MDH2: variants seen among roughly 807,000 people sequenced by gnomAD.
MDH2 encodes malate dehydrogenase, mitochondrial.
A neutral mutation model predicts 33.6 loss-of-function variants in MDH2; 25 were observed. The ratio of observed to expected loss-of-function variants is 0.74; its 90% confidence interval spans 0.54 to 1.04. MDH2 has a LOEUF of 1.04. Ranked by LOEUF, MDH2 falls within the 50% of genes least tolerant of loss-of-function variation. The pLI, the probability that MDH2 is intolerant of heterozygous loss-of-function variation, is 0.00. For synonymous variants in MDH2, 193 were observed against 188.7 expected (o/e 1.02, Z -0.19); for missense variants, 432 against 445.0 (o/e 0.97, Z 0.26).
intron 2 of MDH2, among the ~76,000 whole-genome samples, chr7:76,055,829 A>ATTT (rs1268720062): frequency 9.6e-6 from 1 of 103,912 alleles, no homozygotes; most frequent in African/African-American, 3.2e-5. Flanking sequence ...CATGTCACCA[A>ATTT]ATTTTTTTTT....
In MDH2 at chr7:76,064,859, A is replaced by C; in HGVS notation, c.791A>C (p.Asp264Ala). ...AGARFVFSLV[D>A]AMNGKEGVVE... The stretch of plus-strand genomic sequence containing the variant: ...GCCCGCTTTGTCTTCTCCCTTGTGG[A>C]TGCAATGAATGGAAAGGAAGGTGTT... The change falls in exon 8 of 9, where the codon GAT (aspartate) becomes GCT (alanine). Residue 264 changes from aspartate (D) to alanine (A), a missense_variant. Coordinates refer to ENST00000315758, the MANE Select transcript of MDH2 (RefSeq NM_005918.4). 6.2e-7 allele frequency: 1 copy of C among 1,614,062 alleles called. No homozygotes were observed. Among genetic ancestry groups the C allele is most frequent in the Non-Finnish European group, 8.5e-7 (1 of 1,180,016 alleles).
chr7:76,051,719 C>G (rs1221925039), intron 1 of MDH2, among the ~76,000 whole-genome samples: 1 of 152,146 alleles, frequency 6.6e-6, no homozygotes, highest in Non-Finnish European at 1.5e-5. Flanking sequence ...AATATAAACT[C>G]AAGTAGAAAT....
chr7:76,062,332 G>A (rs1797978852), intron 5 of MDH2, among the ~76,000 whole-genome samples: 1 of 152,204 alleles, frequency 6.6e-6, no homozygotes, highest in African/African-American at 2.4e-5. Context: ...TGTATTTGAG[G>A]GCAAGCCTCT....
intron 6 of MDH2, 24 bp downstream of exon 6, chr7:76,063,616 G>C (rs782493955): frequency 2.5e-6 from 4 of 1,605,792 alleles, no homozygotes; most frequent in Non-Finnish European, 3.4e-6. Flanking sequence ...ACCCTGTGAG[G>C]GGCTTCGAGG....
At chr7:76,048,779 T>G in intron 1 of MDH2, 1 of 1,226,614 alleles carries the variant, frequency 8.2e-7, no homozygotes, top group African/African-American at 1.6e-5. Flanking sequence ...TTTTGGAGGA[T>G]CTCTCCTGCT....
intron 2 of MDH2, among the ~76,000 whole-genome samples, chr7:76,055,737 C>T (rs1260741747): frequency 1.0e-5 from 1 of 98,094 alleles, no homozygotes; most frequent in Non-Finnish European, 2.3e-5. Flanking sequence ...ACACTGTTTC[C>T]AAAAAAAAAA....
At chr7:76,058,178 T>G (rs1797841081) in intron 4 of MDH2, 100 bp downstream of exon 4, 1 of 1,030,412 alleles carries the variant, frequency 9.7e-7, no homozygotes, top group East Asian at 2.6e-5. Flanking sequence ...GCTGATGTGC[T>G]GGGGGGATGG....
chr7:76,065,042 G>A (rs1233778773), intron 8 of MDH2, 89 bp downstream of exon 8: 35 of 1,487,762 alleles, frequency 2.4e-5, no homozygotes, highest in Non-Finnish European at 3.1e-5. Flanking sequence ...GGCCCTTTAT[G>A]CAGTAAGCTC....
In MDH2 at chr7:76,064,517, T is replaced by A. The variant is rs1215014254; in HGVS notation, c.733+79T>A. ...CAGGGTTGGGGAGAAATGCTGCTTG[T>A]CCCTGGGCATGGACGATCCTTTTCA... On this transcript the variant is annotated intron_variant, in intron 7 of 8. Coordinates refer to ENST00000315758, the MANE Select transcript of MDH2 (RefSeq NM_005918.4). The A allele has an allele frequency of 5.6e-6, 7 of 1,252,008 alleles. No individual in the cohort carries two copies. The African/African-American group carries it at 5.9e-5, about 11-fold the overall frequency. 77.6% of individuals were successfully genotyped at this position (1,252,008 alleles called of 1,614,324 possible).
intron 1 of MDH2, among the ~76,000 whole-genome samples, chr7:76,051,748 A>G (rs1385063330): frequency 6.6e-6 from 1 of 152,202 alleles, no homozygotes; most frequent in Non-Finnish European, 1.5e-5. Context: ...AAACCATAAC[A>G]CGTTATAAAG....
chr7:76,061,779 G>A (rs569066171), intron 5 of MDH2, among the ~76,000 whole-genome samples: 39 of 152,262 alleles, frequency 2.6e-4, no homozygotes, highest in Admixed American at 2.0e-3. Flanking sequence ...AGCCCCTGGC[G>A]TCCTGGAGGC....
intron 2 of MDH2, among the ~76,000 whole-genome samples, chr7:76,056,781 G>A (rs150897855): frequency 0.079 from 11,968 of 152,180 alleles, 538 homozygotes; most frequent in South Asian, 0.14. Context: ...GGGAGGCCAA[G>A]GTGGGTGGAT....
chr7:76,059,190 C>T (rs1361851374), intron 4 of MDH2, among the ~76,000 whole-genome samples: 15 of 152,326 alleles, frequency 9.8e-5, no homozygotes, highest in African/African-American at 1.4e-4. Context: ...GTGATCCTCC[C>T]GCCTCACTCT....
intron 8 of MDH2, among the ~76,000 whole-genome samples, chr7:76,065,663 T>C (rs963513473): frequency 4.9e-4 from 75 of 152,252 alleles, no homozygotes; most frequent in African/African-American, 1.7e-3. Flanking sequence ...CCGGTTCTCA[T>C]AGGCCCTTGA....
intron 1 of MDH2, among the ~76,000 whole-genome samples, chr7:76,049,323 G>A (rs1797514228): frequency 6.6e-6 from 1 of 152,228 alleles, no homozygotes; most frequent in East Asian, 1.9e-4. Context: ...ATGCTTTTGC[G>A]CTGCGGTGAA....
intron 4 of MDH2, among the ~76,000 whole-genome samples, chr7:76,059,583 CT>C (rs1358280638): frequency 6.6e-6 from 1 of 152,252 alleles, no homozygotes; most frequent in East Asian, 1.9e-4. Flanking sequence ...CAGCAGCCAC[CT>C]CACTGCTCCT....
chr7:76,048,976 G>T, intron 1 of MDH2: 2 of 198,028 alleles, frequency 1.0e-5, no homozygotes, highest in Non-Finnish European at 1.2e-5. Context: ...AGAAGCTTAA[G>T]ACTGCGGGGG....
Position 76,064,876 on chromosome 7 carries a change from G to A in MDH2, c.808G>A (p.Glu270Lys). The change falls in exon 8 of 9, where the codon GAA (glutamate) becomes AAA (lysine). Residue 270 changes from glutamate to lysine, a missense_variant. Transcript: ENST00000315758. ...CCTTGTGGATGCAATGAATGGAAAG[G>A]AAGGTGTTGTGGAATGTTCCTTCGT... ...FSLVDAMNGKEGVVECSFVKS... is the reference protein window; with the variant it reads ...FSLVDAMNGKKGVVECSFVKS... 6.2e-7 allele frequency: 1 copy of A among 1,614,232 alleles called. No homozygotes were observed. The highest frequency in any genetic ancestry group is 8.5e-7 in the Non-Finnish European group (1 of 1,180,040).
At chr7:76,063,798 C>T (rs1279243231) in intron 6 of MDH2, among the ~76,000 whole-genome samples, 1 of 152,212 alleles carries the variant, frequency 6.6e-6, no homozygotes, top group East Asian at 1.9e-4. Context: ...GGGCCCAGCT[C>T]CAGCACGCAA....
Sources: gnomAD v4.1 joint callset for allele counts (sites outside exome capture counted in the v4.1 genomes callset) on GRCh38, gnomAD v4.1.1 for gene constraint, MANE v1.5 for transcripts, NCBI Gene and HGNC (gene_info 2026-07-23, HGNC 2026-07-21) for gene names.